Variants in FABP6 observed in about 807,000 individuals in gnomAD.
FABP6 encodes gastrotropin.
In FABP6, 13 loss-of-function variants were observed where a neutral mutation model predicts 14.9. The observed-to-expected ratio is 0.87, with a 90% confidence interval of 0.57 to 1.39. FABP6 has a LOEUF of 1.39. Among genes scored for constraint, FABP6 ranks in the 40% most tolerant of loss-of-function variants. FABP6 has a pLI of 0.00. For missense variants in FABP6, 161 were observed against 167.2 expected (o/e 0.96, Z 0.20); for synonymous variants, 75 against 63.6 (o/e 1.18, Z -0.85).
chr5:160,188,779 C>G (rs1759341398), intron 1 of FABP6, among the ~76,000 whole-genome samples: 1 of 152,194 alleles, frequency 6.6e-6, no homozygotes, highest in Non-Finnish European at 1.5e-5. Flanking sequence ...GGGCTGGACT[C>G]ATTTCTGCAA....
intron 2 of FABP6, among the ~76,000 whole-genome samples, chr5:160,209,344 T>G (rs933983417): frequency 4.6e-5 from 7 of 151,676 alleles, no homozygotes; most frequent in African/African-American, 1.7e-4. Flanking sequence ...TGGTGAAATC[T>G]CTCTCCACAA....
intron 2 of FABP6, among the ~76,000 whole-genome samples, chr5:160,203,787 C>T (rs550707345): frequency 5.3e-5 from 8 of 151,862 alleles, no homozygotes; most frequent in African/African-American, 1.4e-4. Context: ...CTGTAATCTC[C>T]GCCTTCCGGG....
rs1380790555 is a variant in FABP6 at position 160,213,568 on chromosome 5, C to T, written c.52-168C>T. Among the ~76,000 whole-genome samples, 3 of 152,192 alleles carry T rather than the reference C, an allele frequency of 2.0e-5. No homozygotes were observed. In the East Asian group the frequency reaches 5.8e-4, roughly 29 times the overall value. Reference sequence around the variant, plus strand: ...TTCCAAGCCTGAAAAGTCTGTGATCCAGTCGATATCCTTTTGATAAATTTC... The same window carrying T: ...TTCCAAGCCTGAAAAGTCTGTGATCTAGTCGATATCCTTTTGATAAATTTC... On this transcript the variant is annotated intron_variant, in intron 2 of 6. Coordinates refer to the FABP6 transcript ENST00000393980.
In FABP6 at chr5:160,215,538, G is replaced by A. The variant is rs1048828790; in HGVS notation, c.135+1719G>A. The stretch of plus-strand genomic sequence containing the variant: ...CAGAGAAAAAAAAAAAAAAGGTGAC[G>A]GTGGCCAGGCATGGTGGCTCACACT... On this transcript the variant is annotated intron_variant, in intron 3 of 6. Transcript: ENST00000393980. 5.3e-5 allele frequency among the ~76,000 whole-genome samples: 8 copies of A among 151,294 alleles called. No individual in the cohort carries two copies. The East Asian group carries it at 1.2e-3, about 22-fold the overall frequency.
At chr5:160,231,838 C>A (rs1386820522) in intron 1 of FABP6, among the ~76,000 whole-genome samples, 1 of 152,186 alleles carries the variant, frequency 6.6e-6, no homozygotes, top group Non-Finnish European at 1.5e-5. Flanking sequence ...GAATATAATT[C>A]TTGTAACAGC....
intron 2 of FABP6, among the ~76,000 whole-genome samples, chr5:160,208,278 A>G (rs1759811080): frequency 6.8e-6 from 1 of 147,028 alleles, no homozygotes; most frequent in Non-Finnish European, 1.5e-5. Flanking sequence ...TCGTTTGTCT[A>G]AAAAAAAAAA....
chr5:160,189,731 A>T (rs533558028), intron 1 of FABP6, among the ~76,000 whole-genome samples: 17 of 152,270 alleles, frequency 1.1e-4, no homozygotes, highest in African/African-American at 4.1e-4. Context: ...CATTAAAAAA[A>T]TTTTAAGATA....
intron 2 of FABP6, among the ~76,000 whole-genome samples, chr5:160,232,505 C>T (rs1022203461): frequency 1.6e-4 from 24 of 152,168 alleles, no homozygotes; most frequent in African/African-American, 5.3e-4. Context: ...ATAAGCTAGA[C>T]ACTTGCTGAA....
rs1424184677 is a variant in FABP6, at chr5:160,238,225, G to A, written c.334-381G>A. Among the ~76,000 whole-genome samples, 4 of 152,160 alleles carry A rather than the reference G, an allele frequency of 2.6e-5. No individual in the cohort carries two copies. In the East Asian group the frequency reaches 7.7e-4, roughly 29 times the overall value. ...CACAAACACTGCATGGTGCAGCCAT[G>A]GCGTGTGGCCTTGGAAGGATTACTT... On this transcript the variant is annotated intron_variant, in intron 3 of 3. Transcript: ENST00000402432.
chr5:160,195,455 G>A (rs1284790148), intron 1 of FABP6, among the ~76,000 whole-genome samples: 1 of 151,700 alleles, frequency 6.6e-6, no homozygotes, highest in Non-Finnish European at 1.5e-5. Context: ...CTTTTTTTCT[G>A]TCTCTCTCTC....
intron 2 of FABP6, among the ~76,000 whole-genome samples, chr5:160,207,742 A>G (rs1354969813): frequency 2.0e-5 from 2 of 97,786 alleles, no homozygotes; most frequent in Non-Finnish European, 2.0e-5. Flanking sequence ...TTTTTTTTTG[A>G]GATGAAGTCT....
intron 3 of FABP6, among the ~76,000 whole-genome samples, chr5:160,223,524 C>T (rs146259215): frequency 2.6e-5 from 4 of 151,684 alleles, no homozygotes; most frequent in African/African-American, 9.7e-5. Context: ...TGGGCTCAAG[C>T]GATCCTTCCG....
intron 2 of FABP6, among the ~76,000 whole-genome samples, chr5:160,201,375 C>G (rs569557237): frequency 3.4e-5 from 5 of 149,028 alleles, no homozygotes; most frequent in African/African-American, 1.2e-4. Flanking sequence ...ACAAAAATCC[C>G]CAAAGAAACT....
chr5:160,192,281 C>G (rs752975393), intron 1 of FABP6, among the ~76,000 whole-genome samples: 1 of 152,180 alleles, frequency 6.6e-6, no homozygotes, highest in Non-Finnish European at 1.5e-5. Context: ...CCTCCTTCAG[C>G]CTCCCAAGTG....
At chr5:160,232,590 A>G (rs1282913921) in intron 2 of FABP6, among the ~76,000 whole-genome samples, 1 of 152,174 alleles carries the variant, frequency 6.6e-6, no homozygotes, top group Non-Finnish European at 1.5e-5. Context: ...CGGGGAGGCT[A>G]AATCATGAGA....
intron 1 of FABP6, among the ~76,000 whole-genome samples, chr5:160,191,091 A>G (rs1759384590): frequency 9.8e-5 from 1 of 10,248 alleles, no homozygotes; most frequent in African/African-American, 4.5e-4. Flanking sequence ...CTCCATCTGG[A>G]AAAAAAAAAA....
chr5:160,218,035 C>T (rs1005717107), intron 3 of FABP6, among the ~76,000 whole-genome samples: 1 of 152,134 alleles, frequency 6.6e-6, no homozygotes, highest in African/African-American at 2.4e-5. Context: ...AACTCCTGGG[C>T]TCAAACGATC....
intron 1 of FABP6, 51 bp downstream of exon 1, chr5:160,229,675 G>T (rs1237142445): frequency 6.4e-7 from 1 of 1,557,004 alleles, no homozygotes; most frequent in Non-Finnish European, 8.9e-7. Context: ...GTCACAGCCA[G>T]CTCTGGGCCA....
At chr5:160,218,787 C>T (rs1229595674) in intron 3 of FABP6, among the ~76,000 whole-genome samples, 1 of 148,028 alleles carries the variant, frequency 6.8e-6, no homozygotes, top group African/African-American at 2.5e-5. Context: ...GAGTTGGGGT[C>T]TCATTCTGTC....
Sources: gnomAD v4.1 joint callset for allele counts (sites outside exome capture counted in the v4.1 genomes callset) on GRCh38, gnomAD v4.1.1 for gene constraint, MANE v1.5 for transcripts, NCBI Gene and HGNC (gene_info 2026-07-23, HGNC 2026-07-21) for gene names.